The following NEK10 variants were observed in gnomAD, a reference collection of about 807,000 sequenced individuals.
NEK10 encodes NIMA related kinase 10.
NEK10 carries 122 observed loss-of-function variants against 159.8 expected under a neutral mutation model. The ratio of observed to expected loss-of-function variants is 0.76; its 90% CI spans 0.66 to 0.89. The LOEUF (loss-of-function observed/expected upper bound fraction) is 0.89. Ranked by LOEUF, NEK10 falls within the 40% of genes least tolerant of loss-of-function variation. The pLI is 0.00. For missense variants in NEK10, 1,342 were observed against 1,323.1 expected, an observed-to-expected ratio of 1.01 and a Z score of -0.22; for synonymous variants, 466 against 457.1, an observed-to-expected ratio of 1.02 and a Z score of -0.25.
At chr3:27,255,400 T>G in intron 23 of NEK10, 1 of 225,100 alleles carries the variant, frequency 4.4e-6, no homozygotes, top group Non-Finnish European at 9.4e-6. Flanking sequence ...GAAAGGACTT[T>G]GTAAAATTAG....
intron 23 of NEK10, 148 bp from the exon 24 acceptor site, chr3:27,202,705 G>C (rs1158915196): frequency 3.6e-6 from 4 of 1,115,066 alleles, no homozygotes; most frequent in Non-Finnish European, 4.8e-6. Flanking sequence ...CAAAAAGTCT[G>C]TTTGAAATTT....
In NEK10 at chr3:27,128,635, ATT is replaced by A. The variant is rs34991281; in HGVS notation, c.3081+3243_3081+3244del. Among the ~76,000 whole-genome samples, 203 of 149,304 alleles carry A rather than the reference ATT, an allele frequency of 1.4e-3. 2 individuals carry two copies. The highest frequency in any genetic ancestry group is 3.5e-3 in the Middle Eastern group (1 of 286). Reference sequence around the variant, plus strand: ...ATCTTCCAAAGGTAACCAATGAGGGATTTTTTTTTTTCTTTTTTGGTATTATG... The same window carrying A: ...ATCTTCCAAAGGTAACCAATGAGGGATTTTTTTTTCTTTTTTGGTATTATG... On this transcript the variant is annotated intron_variant, in intron 32 of 35. Transcript: ENST00000691995.
intron 30 of NEK10, among the ~76,000 whole-genome samples, chr3:27,145,671 G>A (rs900032377): frequency 6.6e-6 from 1 of 152,058 alleles, no homozygotes; most frequent in African/African-American, 2.4e-5. Flanking sequence ...CCACAGAGGA[G>A]ACTAAATGCA....
intron 22 of NEK10, among the ~76,000 whole-genome samples, chr3:27,257,131 G>C (rs1007675854): frequency 6.6e-6 from 1 of 152,214 alleles, no homozygotes; most frequent in East Asian, 1.9e-4. Context: ...GGCCAGGCTG[G>C]TCTTGAACTC....
rs1553639045 is a variant in NEK10, at chr3:27,331,262, A to AC, written c.363-9002_363-9001insG. On this transcript the variant is annotated intron_variant, in intron 5 of 35. Transcript: ENST00000691995. ...CAAAAAAAAAAAAACAAAAAAAAAA[A>AC]ACACACAAACCTAAGACTTTTGAGG... 1.1e-3 allele frequency among the ~76,000 whole-genome samples: 120 copies of AC among 109,800 alleles called. 5 individuals are homozygous for AC. Among genetic ancestry groups the AC allele is most frequent in the South Asian group, 3.7e-3 (11 of 2,948 alleles). 72.0% of individuals were successfully genotyped at this position (109,800 alleles called of 152,430 possible).
chr3:27,135,700 G>A (rs1379860781), intron 31 of NEK10, among the ~76,000 whole-genome samples: 1 of 152,074 alleles, frequency 6.6e-6, no homozygotes, highest in Non-Finnish European at 1.5e-5. Flanking sequence ...CTGCATAAGA[G>A]GATATTTCCC....
At chr3:27,368,605 A>T (rs962987845) in intron 1 of NEK10, among the ~76,000 whole-genome samples, 6 of 152,178 alleles carry the variant, frequency 3.9e-5, no homozygotes, top group African/African-American at 1.4e-4. Context: ...ATGGATAGTG[A>T]TGCCCAAAAT....
intron 13 of NEK10, among the ~76,000 whole-genome samples, chr3:27,301,145 G>C (rs1184938954): frequency 6.6e-6 from 1 of 152,200 alleles, no homozygotes; most frequent in African/African-American, 2.4e-5. Flanking sequence ...GGTGCCCCCA[G>C]GCAGGGCACA....
At chr3:27,351,871 T>C (rs1045694983) in intron 3 of NEK10, among the ~76,000 whole-genome samples, 1 of 152,026 alleles carries the variant, frequency 6.6e-6, no homozygotes, top group African/African-American at 2.4e-5. Context: ...TGGCCTCTAA[T>C]GTCATCACTT....
intron 22 of NEK10, among the ~76,000 whole-genome samples, chr3:27,261,905 C>T (rs6804742): frequency 0.26 from 39,095 of 151,940 alleles, 5,194 homozygotes; most frequent in Middle Eastern, 0.38. Flanking sequence ...ATCGGGGTAC[C>T]CCTGTATTGG....
At chr3:27,201,977 G>A (rs11916289) in intron 24 of NEK10, among the ~76,000 whole-genome samples, 35,509 of 148,002 alleles carry the variant, frequency 0.24, 4,471 homozygotes, top group Middle Eastern at 0.38. Flanking sequence ...TGGCCAACAT[G>A]GTGAAACCTA....
At chr3:27,302,373 T>TA (rs1471035279) in intron 12 of NEK10, among the ~76,000 whole-genome samples, 1 of 152,126 alleles carries the variant, frequency 6.6e-6, no homozygotes, top group Non-Finnish European at 1.5e-5. Context: ...TTTTCAAGCT[T>TA]ACCCTACATT....
At chr3:27,331,251 C>CAAAA (rs1247716064) in intron 5 of NEK10, among the ~76,000 whole-genome samples, 1 of 53,910 alleles carries the variant, frequency 1.9e-5, no homozygotes, top group African/African-American at 4.6e-5. Context: ...AAAAAAAAAA[C>CAAAA]AAAAAAAAAA....
intron 30 of NEK10, among the ~76,000 whole-genome samples, chr3:27,151,619 A>C (rs1313119995): frequency 1.3e-5 from 2 of 152,054 alleles, no homozygotes; most frequent in East Asian, 3.9e-4. Context: ...CCCAAAAATC[A>C]CACTTGTTCA....
chr3:27,363,397 C>T (rs921052501), intron 1 of NEK10, among the ~76,000 whole-genome samples: 1 of 152,182 alleles, frequency 6.6e-6, no homozygotes, highest in Non-Finnish European at 1.5e-5. Context: ...GTATCTAGCA[C>T]ATACTTTGTA....
intron 30 of NEK10, among the ~76,000 whole-genome samples, chr3:27,150,041 T>C (rs911286940): frequency 6.6e-6 from 1 of 152,146 alleles, no homozygotes; most frequent in Non-Finnish European, 1.5e-5. Flanking sequence ...CAAAGCAGAA[T>C]CCAGAGGAAG....
At position 27,341,893 on chromosome 3, in the gene NEK10, A is replaced by G. The variant is rs1390896532; in HGVS notation, c.362+2379T>C. Among the ~76,000 whole-genome samples the G allele has an allele frequency of 2.0e-5, 3 of 152,194 alleles. No individual in the cohort carries two copies. In the East Asian group the frequency reaches 5.8e-4, roughly 29 times the overall value. On this transcript the variant is annotated intron_variant, in intron 5 of 35. Coordinates refer to ENST00000691995, the MANE Select transcript of NEK10 (RefSeq NM_001394966.1). Reference sequence around the variant, plus strand: ...CCCAATAAGTCATATTTTCAGGGCAAAATTGAGTAGCATAACACGCTGAAT... The same window carrying G: ...CCCAATAAGTCATATTTTCAGGGCAGAATTGAGTAGCATAACACGCTGAAT...
intron 11 of NEK10, among the ~76,000 whole-genome samples, chr3:27,306,853 T>A (rs762036020): frequency 6.6e-6 from 1 of 152,184 alleles, no homozygotes; most frequent in Non-Finnish European, 1.5e-5. Flanking sequence ...ATGGTCCTGC[T>A]GTGCCCAACC....
chr3:27,162,503 G>A (rs1946108143), intron 30 of NEK10, 198 bp downstream of exon 30: 2 of 1,614,140 alleles, frequency 1.2e-6, no homozygotes, highest in East Asian at 2.2e-5. Context: ...GGAAGGCTAT[G>A]GGACTGCCAC....
Sources: allele counts gnomAD v4.1 joint callset (sites outside exome capture counted in the v4.1 genomes callset), GRCh38; gene constraint gnomAD v4.1.1; transcripts MANE v1.5; gene names NCBI Gene and HGNC (gene_info 2026-07-23, HGNC 2026-07-21).